The following DOCK1 variants were observed in gnomAD, a reference collection of about 807,000 sequenced individuals.
DOCK1 encodes dedicator of cytokinesis 1, also known as dedicator of cytokinesis protein 1.
In DOCK1, 138 loss-of-function variants were observed where a neutral mutation model predicts 262.7. The ratio of observed to expected loss-of-function variants is 0.53; its 90% CI spans 0.46 to 0.61. The LOEUF is 0.61. DOCK1 is among the 20% of genes least tolerant of loss of function. The pLI, the probability that DOCK1 is intolerant of heterozygous loss-of-function variation, is 0.00. For synonymous variants in DOCK1, 866 were observed against 867.4 expected (o/e 1.00, Z 0.03); for missense variants, 1,908 against 2,370.7 (o/e 0.80, Z 4.05).
At chr10:127,448,650 G>A (rs1250579787) in intron 51 of DOCK1, among the ~76,000 whole-genome samples, 1 of 152,134 alleles carries the variant, frequency 6.6e-6, no homozygotes. Flanking sequence ...TGTCTGAAGG[G>A]TAAAATATCC....
rs77356313 is a variant in DOCK1, at chr10:127,394,324, A to G, written c.3928-8731A>G. On this transcript the variant is annotated intron_variant, in intron 38 of 51. Coordinates refer to ENST00000623213, the MANE Select transcript of DOCK1 (RefSeq NM_001290223.2). The stretch of plus-strand genomic sequence containing the variant: ...TCCCTTAAAATAACCTTCCCTTGAC[A>G]AAGTTCACACTTTGCCTTGCACCAA... Among the ~76,000 whole-genome samples the G allele has an allele frequency of 7.7e-4, 116 of 150,924 alleles. 4 individuals carry two copies. The East Asian group carries it at 0.019, about 24-fold the overall frequency.
At chr10:127,201,466 A>G (rs111784505) in intron 27 of DOCK1, among the ~76,000 whole-genome samples, 32 of 152,268 alleles carry the variant, frequency 2.1e-4, no homozygotes, top group African/African-American at 6.5e-4. Context: ...CTGAAATACA[A>G]ATTTGTTTTG....
intron 27 of DOCK1, among the ~76,000 whole-genome samples, chr10:127,151,958 G>T (rs2052533874): frequency 6.6e-6 from 1 of 152,042 alleles, no homozygotes; most frequent in South Asian, 2.1e-4. Context: ...GTGAATTCTG[G>T]ATTTAGAGCT....
intron 1 of DOCK1, among the ~76,000 whole-genome samples, chr10:126,951,637 T>G (rs1162624311): frequency 6.6e-6 from 1 of 151,610 alleles, no homozygotes; most frequent in African/African-American, 2.4e-5. Context: ...GGTGGTAGTA[T>G]TGTTGTTTGT....
At chr10:127,106,105 G>C in intron 23 of DOCK1, 126 bp from the exon 24 acceptor site, 1 of 949,040 alleles carries the variant, frequency 1.1e-6, no homozygotes, top group Non-Finnish European at 1.6e-6. Flanking sequence ...TTAGCCGTCA[G>C]CCCCTCATCT....
At chr10:127,178,409 C>T (rs866912664) in intron 27 of DOCK1, among the ~76,000 whole-genome samples, 2 of 152,148 alleles carry the variant, frequency 1.3e-5, no homozygotes, top group Non-Finnish European at 2.9e-5. Flanking sequence ...CTGTGCGGTG[C>T]AGGGTGGTCA....
intron 29 of DOCK1, among the ~76,000 whole-genome samples, chr10:127,334,857 T>TC (rs1417227848): frequency 4.6e-5 from 7 of 152,178 alleles, no homozygotes; most frequent in Admixed American, 4.6e-4. Flanking sequence ...GTTGATCCCT[T>TC]CCCCCTGAGT....
chr10:127,039,962 G>A (rs1371569825), intron 19 of DOCK1, among the ~76,000 whole-genome samples: 1 of 152,222 alleles, frequency 6.6e-6, no homozygotes, highest in Non-Finnish European at 1.5e-5. Context: ...TCCGTGTGAA[G>A]GCCCTCCTTC....
intron 47 of DOCK1, among the ~76,000 whole-genome samples, chr10:127,428,443 G>A (rs1004527744): frequency 3.3e-5 from 5 of 151,150 alleles, no homozygotes; most frequent in Admixed American, 2.6e-4. Flanking sequence ...CGTGTGAATT[G>A]GAGTGCCTTG....
At chr10:127,222,964 G>C (rs7901446) in intron 27 of DOCK1, among the ~76,000 whole-genome samples, 1 of 152,026 alleles carries the variant, frequency 6.6e-6, no homozygotes, top group Non-Finnish European at 1.5e-5. Flanking sequence ...GGTGTGAGCC[G>C]CTGTGCCGAG....
At chr10:127,413,656 C>T (rs1464388537) in intron 43 of DOCK1, among the ~76,000 whole-genome samples, 1 of 152,166 alleles carries the variant, frequency 6.6e-6, no homozygotes, top group Non-Finnish European at 1.5e-5. Context: ...GGATGGAACC[C>T]AGAGGTCCGT....
intron 25 of DOCK1, 54 bp from the exon 26 acceptor site, chr10:127,125,420 C>A: frequency 6.2e-7 from 1 of 1,604,342 alleles, no homozygotes; most frequent in South Asian, 1.1e-5. Context: ...ATAGCAAACA[C>A]GAGTTGCGTC....
At chr10:127,396,482 C>T (rs899877236) in intron 38 of DOCK1, among the ~76,000 whole-genome samples, 1 of 152,138 alleles carries the variant, frequency 6.6e-6, no homozygotes, top group African/African-American at 2.4e-5. Flanking sequence ...AGCCACTGCC[C>T]ATTTCTCCTC....
chr10:127,046,198 G>A (rs888469183), intron 21 of DOCK1, among the ~76,000 whole-genome samples: 34 of 152,152 alleles, frequency 2.2e-4, no homozygotes, highest in Admixed American at 2.2e-3. Context: ...GTAAGTTTGG[G>A]AAAATAAGTA....
In DOCK1 at chr10:127,148,078, A is replaced by G. The variant is rs139305314; in HGVS notation, c.2847+20314A>G. 7.2e-4 allele frequency among the ~76,000 whole-genome samples: 108 copies of G among 150,930 alleles called. 2 individuals are homozygous for G. The East Asian group carries it at 0.02, about 27-fold the overall frequency. Reference sequence around the variant, plus strand: ...AAAAAAATTCCACCTGTCCTTGACCATCATGGATCATATCAAACAGTGAAA... The same window carrying G: ...AAAAAAATTCCACCTGTCCTTGACCGTCATGGATCATATCAAACAGTGAAA... On this transcript the variant is annotated intron_variant, in intron 27 of 51. Coordinates refer to ENST00000623213, the MANE Select transcript of DOCK1 (RefSeq NM_001290223.2).
intron 51 of DOCK1, among the ~76,000 whole-genome samples, chr10:127,447,810 G>A (rs2070686707): frequency 6.6e-6 from 1 of 152,260 alleles, no homozygotes; most frequent in African/African-American, 2.4e-5. Context: ...GAAGAGGATA[G>A]ACATTCCAAG....
In DOCK1 at chr10:127,012,232, G is replaced by A; in HGVS notation, c.1059G>A (p.Pro353=). The change falls in exon 12 of 52, where the codon CCG becomes CCA. Residue 353 remains proline, a splice_region_variant and synonymous_variant. Coordinates refer to ENST00000623213, the MANE Select transcript of DOCK1 (RefSeq NM_001290223.2). The surrounding 1 kb of genome is among the most constrained non-coding windows in gnomAD (Gnocchi z 4.0). ...GTCTTGGTCGTCCCGTGCCCTCCAGGCTCGCGTTGGACGACGCCATTCGAC... is the reference window on the plus strand; with the variant it reads ...GTCTTGGTCGTCCCGTGCCCTCCAGACTCGCGTTGGACGACGCCATTCGAC... ...EDKQHFIPFQ[P]LALDDAIRHK... The A allele has an allele frequency of 6.4e-7, 1 of 1,564,812 alleles. No individual in the cohort carries two copies. Among genetic ancestry groups the A allele is most frequent in the Non-Finnish European group, 8.8e-7 (1 of 1,135,368 alleles).
intron 25 of DOCK1, among the ~76,000 whole-genome samples, chr10:127,124,237 A>G (rs2049802689): frequency 6.6e-6 from 1 of 152,394 alleles, no homozygotes; most frequent in Admixed American, 6.5e-5. Context: ...TAAAAGAAAC[A>G]TTAATGCAAA....
intron 29 of DOCK1, among the ~76,000 whole-genome samples, chr10:127,259,337 T>C (rs940500581): frequency 7.2e-5 from 11 of 152,218 alleles, no homozygotes. Context: ...TTTTTCTCTG[T>C]TAGGATGAAC....
Sources: gnomAD v4.1 joint callset for allele counts (sites outside exome capture counted in the v4.1 genomes callset) on GRCh38, gnomAD v4.1.1 for gene constraint, Gnocchi (gnomAD v3.1) non-coding constraint, MANE v1.5 for transcripts, NCBI Gene and HGNC (gene_info 2026-07-23, HGNC 2026-07-21) for gene names.